CLSTN2: variants seen among roughly 807,000 people sequenced by gnomAD.
CLSTN2 encodes the protein calsyntenin-2.
Under a neutral mutation model 101.2 loss-of-function variants are expected in CLSTN2, and 48 were observed. The observed-to-expected ratio is 0.47, with a 90% CI of 0.38 to 0.60. The LOEUF (loss-of-function observed/expected upper bound fraction) is 0.60. Ranked by LOEUF, CLSTN2 falls within the 20% of genes least tolerant of loss-of-function variation. The probability of loss-of-function intolerance (pLI) is 0.00; values close to 1 mark genes in which losing one functional copy is unlikely to be tolerated. For synonymous variants in CLSTN2, 481 were observed against 463.6 expected (o/e 1.04, Z -0.48); for missense variants, 1,160 against 1,238.2 (o/e 0.94, Z 0.95).
At chr3:139,977,813 G>A (rs1027967322) in intron 1 of CLSTN2, among the ~76,000 whole-genome samples, 10 of 152,164 alleles carry the variant, frequency 6.6e-5, no homozygotes, top group Non-Finnish European at 1.0e-4. Context: ...TACTGGCCAG[G>A]GCAGAGGTCA....
intron 9 of CLSTN2, among the ~76,000 whole-genome samples, chr3:140,533,038 T>C (rs1348913697): frequency 6.6e-6 from 1 of 152,228 alleles, no homozygotes; most frequent in African/African-American, 2.4e-5. Flanking sequence ...CCCTGGCATC[T>C]AAGGACAGAG....
In CLSTN2 at chr3:140,140,693, A is replaced by G. The variant is rs900391341; in HGVS notation, c.110-35258A>G. 2.6e-5 allele frequency among the ~76,000 whole-genome samples: 4 copies of G among 152,026 alleles called. No homozygotes were observed. The East Asian group carries it at 7.7e-4, about 29-fold the overall frequency. ...TCTCCATCTCAGGAAGATCAGATTGATAAATAGTTTGTTGTTTTATTTTCC... is the reference window on the plus strand; with the variant it reads ...TCTCCATCTCAGGAAGATCAGATTGGTAAATAGTTTGTTGTTTTATTTTCC... On this transcript the variant is annotated intron_variant, in intron 1 of 16. Transcript: ENST00000458420.
At position 140,481,756 on chromosome 3, in the gene CLSTN2, T is replaced by C. The variant is rs565611076; in HGVS notation, c.1344+15025T>C. ...ATTATTTGGCTCTCTGTTTGTCTGTTATTGGTGTATAAGAATGCTTGTGAT... is the reference window on the plus strand; with the variant it reads ...ATTATTTGGCTCTCTGTTTGTCTGTCATTGGTGTATAAGAATGCTTGTGAT... On this transcript the variant is annotated intron_variant, in intron 8 of 16. Transcript: ENST00000458420. Among the ~76,000 whole-genome samples, 430 of 152,328 alleles carry C rather than the reference T, an allele frequency of 2.8e-3. 1 individual carries two copies. Among genetic ancestry groups the C allele is most frequent in the African/African-American group, 0.01 (418 of 41,582 alleles).
In CLSTN2 at chr3:140,532,460, A is replaced by C; in HGVS notation, c.1481A>C (p.Gln494Pro). Residue 494 changes from glutamine (Q) to proline (P), a missense_variant, in exon 9 of 17, where the codon CAA becomes CCA. Gln to Pro is a moderately conservative substitution (Grantham distance 76). Transcript: ENST00000458420. The stretch of plus-strand genomic sequence containing the variant: ...ATTCATCCATCTCACATAGCCATGC[A>C]ACTCACAGTCGGCGCTTGTTGGCAA... ...WPIHPSHIAMQLTVGACWQGG... is the reference protein window; with the variant it reads ...WPIHPSHIAMPLTVGACWQGG... 1 of 1,613,726 alleles carries C rather than the reference A, an allele frequency of 6.2e-7. No homozygotes were observed. Among genetic ancestry groups the C allele is most frequent in the Non-Finnish European group, 8.5e-7 (1 of 1,179,774 alleles).
At chr3:139,991,598 T>C (rs1024852923) in intron 1 of CLSTN2, among the ~76,000 whole-genome samples, 1 of 152,214 alleles carries the variant, frequency 6.6e-6, no homozygotes, top group Non-Finnish European at 1.5e-5. Context: ...TGCTACCGAG[T>C]TGCTGAATTT....
chr3:139,972,620 G>A (rs147758758), intron 1 of CLSTN2, among the ~76,000 whole-genome samples: 42 of 152,256 alleles, frequency 2.8e-4, no homozygotes, highest in African/African-American at 9.1e-4. Context: ...GAGCTCATCC[G>A]TGGAAGCCCA....
At chr3:140,014,534 A>G (rs1478055197) in intron 1 of CLSTN2, among the ~76,000 whole-genome samples, 1 of 152,152 alleles carries the variant, frequency 6.6e-6, no homozygotes, top group African/African-American at 2.4e-5. Flanking sequence ...GCAATTTTAA[A>G]TAGGGGGTTC....
At chr3:140,519,043 G>C (rs944589466) in intron 8 of CLSTN2, among the ~76,000 whole-genome samples, 1 of 152,116 alleles carries the variant, frequency 6.6e-6, no homozygotes, top group Non-Finnish European at 1.5e-5. Flanking sequence ...GTTCTCATTA[G>C]TTTCAAAAAA....
At chr3:140,271,668 C>A (rs778326979) in intron 2 of CLSTN2, among the ~76,000 whole-genome samples, 3 of 152,144 alleles carry the variant, frequency 2.0e-5, no homozygotes, top group Non-Finnish European at 4.4e-5. Context: ...TTCCCAGTGG[C>A]CCCACCTTCT....
At chr3:139,959,165 C>G (rs1380646856) in intron 1 of CLSTN2, among the ~76,000 whole-genome samples, 1 of 152,120 alleles carries the variant, frequency 6.6e-6, no homozygotes, top group Non-Finnish European at 1.5e-5. Flanking sequence ...TGCTGAGCCC[C>G]CCTTGCAGAG....
intron 1 of CLSTN2, among the ~76,000 whole-genome samples, chr3:139,936,877 G>A (rs534354890): frequency 4.5e-4 from 69 of 151,936 alleles, no homozygotes; most frequent in Middle Eastern, 3.4e-3. Context: ...TTTTCTTGGT[G>A]TATCTTTGAC....
At chr3:140,038,398 T>A (rs1490436956) in intron 1 of CLSTN2, among the ~76,000 whole-genome samples, 1 of 152,190 alleles carries the variant, frequency 6.6e-6, no homozygotes, top group Non-Finnish European at 1.5e-5. Flanking sequence ...GGGTGGTTTT[T>A]TTCTTGTAAA....
At chr3:140,142,790 A>G (rs2107809922) in intron 1 of CLSTN2, among the ~76,000 whole-genome samples, 1 of 152,328 alleles carries the variant, frequency 6.6e-6, no homozygotes, top group South Asian at 2.1e-4. Flanking sequence ...TAAAGTGATA[A>G]GCACCTAATT....
intron 6 of CLSTN2, chr3:140,449,785 TAAAGATAA>T (rs1933197025): frequency 6.6e-6 from 1 of 152,216 alleles, no homozygotes. Flanking sequence ...TTCTGTTTGT[TAAAGATAA>T]GCAAAGTTAG....
intron 1 of CLSTN2, among the ~76,000 whole-genome samples, chr3:140,125,599 G>A (rs1426783385): frequency 1.3e-5 from 2 of 152,222 alleles, no homozygotes; most frequent in African/African-American, 2.4e-5. Context: ...AAATAGAGAG[G>A]AAGGTGTGAA....
intron 1 of CLSTN2, among the ~76,000 whole-genome samples, chr3:140,097,185 T>C (rs1451937925): frequency 1.3e-5 from 2 of 152,168 alleles, no homozygotes; most frequent in Non-Finnish European, 2.9e-5. Flanking sequence ...TAATAACAAC[T>C]ATATTATTAC....
chr3:140,174,246 C>G (rs183066091), intron 1 of CLSTN2, among the ~76,000 whole-genome samples: 1 of 152,308 alleles, frequency 6.6e-6, no homozygotes, highest in African/African-American at 2.4e-5. Context: ...TGCTGCCAGT[C>G]TCTGCTAAAA....
chr3:140,201,471 G>C (rs1219511409), intron 2 of CLSTN2, among the ~76,000 whole-genome samples: 1 of 152,092 alleles, frequency 6.6e-6, no homozygotes, highest in Non-Finnish European at 1.5e-5. Context: ...CTGACAGCTG[G>C]GATCTGTACT....
chr3:140,331,890 C>T (rs904021914), intron 2 of CLSTN2, among the ~76,000 whole-genome samples: 1 of 152,184 alleles, frequency 6.6e-6, no homozygotes, highest in Non-Finnish European at 1.5e-5. Flanking sequence ...TATGTCTGTT[C>T]CCTCCAAACC....
Sources: allele counts gnomAD v4.1 joint callset (sites outside exome capture counted in the v4.1 genomes callset), GRCh38; gene constraint gnomAD v4.1.1; transcripts MANE v1.5; gene names NCBI Gene and HGNC (gene_info 2026-07-23, HGNC 2026-07-21).